The following CMTM7 variants were observed in gnomAD, a reference collection of about 807,000 sequenced individuals.
CMTM7 encodes the protein CKLF like MARVEL transmembrane domain containing 7.
Under a neutral mutation model 19.3 loss-of-function variants are expected in CMTM7, and 7 were observed. That is an observed-to-expected ratio of 0.36 (90% CI 0.21 to 0.68). The LOEUF (loss-of-function observed/expected upper bound fraction) is 0.68. CMTM7 is among the 30% of genes least tolerant of loss of function. The probability of loss-of-function intolerance (pLI) is 0.60; values close to 1 mark genes in which losing one functional copy is unlikely to be tolerated. For synonymous variants in CMTM7, 87 were observed against 99.3 expected, an observed-to-expected ratio of 0.88 and a Z score of 0.74; for missense variants, 193 against 232.6, an observed-to-expected ratio of 0.83 and a Z score of 1.11.
intron 1 of CMTM7, among the ~76,000 whole-genome samples, chr3:32,409,045 C>G (rs1181418635): frequency 6.6e-6 from 1 of 152,094 alleles, no homozygotes; most frequent in Non-Finnish European, 1.5e-5. Flanking sequence ...CCATGCCCAG[C>G]TAATTTTTTG....
At chr3:32,392,206 A>T (rs1695846534) in intron 1 of CMTM7, 141 bp downstream of exon 1, 6 of 651,098 alleles carry the variant, frequency 9.2e-6, no homozygotes, top group Non-Finnish European at 1.1e-5. Flanking sequence ...GCGTCGCTAA[A>T]GTTCGCGGCA....
intron 1 of CMTM7, among the ~76,000 whole-genome samples, chr3:32,432,833 G>A (rs1169722988): frequency 6.6e-6 from 1 of 152,056 alleles, no homozygotes; most frequent in African/African-American, 2.4e-5. Flanking sequence ...CCTTCTCTTT[G>A]GGGTTCAACC....
intron 1 of CMTM7, among the ~76,000 whole-genome samples, chr3:32,406,100 C>G (rs1696087259): frequency 6.6e-6 from 1 of 152,170 alleles, no homozygotes; most frequent in Non-Finnish European, 1.5e-5. Context: ...AAGAGCATAC[C>G]TACGCCCACT....
intron 1 of CMTM7, among the ~76,000 whole-genome samples, chr3:32,432,589 C>T (rs1277611448): frequency 1.3e-5 from 2 of 152,176 alleles, no homozygotes; most frequent in South Asian, 2.1e-4. Context: ...GCTCTGGCTC[C>T]GGATGCACTA....
At chr3:32,431,768 G>T (rs1054237220) in intron 1 of CMTM7, among the ~76,000 whole-genome samples, 1 of 152,186 alleles carries the variant, frequency 6.6e-6, no homozygotes, top group African/African-American at 2.4e-5. Flanking sequence ...ACTTGACCTT[G>T]TGTGCCTCAG....
At chr3:32,452,919 ATTTTTTTTTTTT>A (rs368112448) in intron 4 of CMTM7, among the ~76,000 whole-genome samples, 1 of 35,320 alleles carries the variant, frequency 2.8e-5, no homozygotes, top group Non-Finnish European at 5.1e-5. Flanking sequence ...CCTAATTTCA[ATTTTTTTTTTTT>A]TTTTTTTTTT....
intron 1 of CMTM7, among the ~76,000 whole-genome samples, chr3:32,438,882 C>T (rs1696636429): frequency 6.6e-6 from 1 of 152,210 alleles, no homozygotes; most frequent in African/African-American, 2.4e-5. Context: ...TTGTCTTCAA[C>T]GACGAGTTGG....
At chr3:32,453,001 G>T (rs2125645692) in intron 4 of CMTM7, among the ~76,000 whole-genome samples, 1 of 133,378 alleles carries the variant, frequency 7.5e-6, no homozygotes, top group South Asian at 2.4e-4. Flanking sequence ...AAACTCCTGG[G>T]CTCAAGCAGT....
rs377158327 is a variant in CMTM7, at chr3:32,437,053, CAG to C, written c.160-4786_160-4785del. ...CAGACTAGTTTGGTTCCAGAGTCCT[CAG>C]GGGACCATCACTTTTCTCAGATCAT... On this transcript the variant is annotated intron_variant, in intron 1 of 4. Transcript: ENST00000334983. Among the ~76,000 whole-genome samples, 373 of 152,270 alleles carry C rather than the reference CAG, an allele frequency of 2.4e-3. 4 individuals carry two copies. The highest frequency in any genetic ancestry group is 8.3e-3 in the African/African-American group (346 of 41,548).
At chr3:32,392,126 C>T (rs1174642155) in intron 1 of CMTM7, 61 bp downstream of exon 1, 4 of 1,176,596 alleles carry the variant, frequency 3.4e-6, no homozygotes, top group Non-Finnish European at 4.3e-6. Context: ...AGCAGGGGTC[C>T]GGGAGCGGAC....
intron 2 of CMTM7, among the ~76,000 whole-genome samples, chr3:32,446,915 A>C (rs996571757): frequency 6.6e-6 from 1 of 152,170 alleles, no homozygotes; most frequent in Non-Finnish European, 1.5e-5. Flanking sequence ...CAGAACCATG[A>C]GGCAAATAAA....
At chr3:32,413,497 A>G (rs1696210985) in intron 1 of CMTM7, among the ~76,000 whole-genome samples, 1 of 152,222 alleles carries the variant, frequency 6.6e-6, no homozygotes. Flanking sequence ...GGTCCATTTC[A>G]TTTGTACTCA....
chr3:32,426,960 G>A (rs749130620), intron 1 of CMTM7, among the ~76,000 whole-genome samples: 25 of 152,104 alleles, frequency 1.6e-4, no homozygotes, highest in Non-Finnish European at 2.6e-4. Flanking sequence ...TACTTACTTT[G>A]TGTCAAGCAC....
At chr3:32,406,179 A>G (rs1696088558) in intron 1 of CMTM7, among the ~76,000 whole-genome samples, 2 of 152,150 alleles carry the variant, frequency 1.3e-5, no homozygotes, top group East Asian at 1.9e-4. Flanking sequence ...AGGTGTCCGC[A>G]TTCTCCTCCT....
At chr3:32,426,812 T>G (rs1177402234) in intron 1 of CMTM7, among the ~76,000 whole-genome samples, 1 of 152,178 alleles carries the variant, frequency 6.6e-6, no homozygotes, top group African/African-American at 2.4e-5. Context: ...GTTCAAAGGA[T>G]ATGCATTTTT....
intron 1 of CMTM7, among the ~76,000 whole-genome samples, chr3:32,417,603 CG>C (rs1245453749): frequency 3.9e-5 from 6 of 152,106 alleles, no homozygotes; most frequent in African/African-American, 1.4e-4. Flanking sequence ...TTGGGTCGTA[CG>C]TTAAGTATAT....
intron 1 of CMTM7, among the ~76,000 whole-genome samples, chr3:32,425,349 C>G (rs1184425569): frequency 6.6e-6 from 1 of 152,158 alleles, no homozygotes; most frequent in Admixed American, 6.5e-5. Context: ...TTGGCAGTCA[C>G]ACCCTTTTAT....
Position 32,441,578 on chromosome 3 carries a change from G to A in CMTM7, c.160-262G>A, listed in dbSNP as rs1037415561. ...GCTTCTTCTGAGGGGGCTTCCCGCT[G>A]GCACAATCTAACAAACTTCAGAGAG... On this transcript the variant is annotated intron_variant, in intron 1 of 4. Transcript: ENST00000334983. Among the ~76,000 whole-genome samples the A allele has an allele frequency of 3.9e-5, 6 of 152,190 alleles. No homozygotes were observed. The East Asian group carries it at 9.6e-4, about 24-fold the overall frequency.
rs112841255 is a variant in CMTM7, at chr3:32,424,312, G to A, written c.160-17528G>A. On this transcript the variant is annotated intron_variant, in intron 1 of 4. Transcript: ENST00000334983. ...TGAGAGTGCGGACCAGAAAGAACTGGTATTGTAGGCTGCGACCTCACCTTG... is the reference window on the plus strand; with the variant it reads ...TGAGAGTGCGGACCAGAAAGAACTGATATTGTAGGCTGCGACCTCACCTTG... Among the ~76,000 whole-genome samples, 350 of 152,290 alleles carry A rather than the reference G, an allele frequency of 2.3e-3. 2 individuals carry two copies. Among genetic ancestry groups the A allele is most frequent in the Middle Eastern group, 6.8e-3 (2 of 294 alleles).
Sources: gnomAD v4.1 joint callset for allele counts (sites outside exome capture counted in the v4.1 genomes callset) on GRCh38, gnomAD v4.1.1 for gene constraint, MANE v1.5 for transcripts, NCBI Gene and HGNC (gene_info 2026-07-23, HGNC 2026-07-21) for gene names.